The following SFXN5 variants were observed in gnomAD, a reference collection of about 807,000 sequenced individuals.
SFXN5 encodes sideroflexin-5.
In SFXN5, 43 loss-of-function variants were observed where a neutral mutation model predicts 50.2. That is an observed-to-expected ratio of 0.86 (90% CI 0.67 to 1.11). SFXN5 has a LOEUF of 1.11. Ranked by LOEUF, SFXN5 falls within the 50% of genes least tolerant of loss-of-function variation. The pLI, the probability that SFXN5 is intolerant of heterozygous loss-of-function variation, is 0.00. For missense variants in SFXN5, 463 were observed against 454.1 expected, an observed-to-expected ratio of 1.02 and a Z score of -0.18; for synonymous variants, 203 against 185.8, an observed-to-expected ratio of 1.09 and a Z score of -0.75.
At chr2:72,984,061 AC>A (rs1482681297) in intron 10 of SFXN5, among the ~76,000 whole-genome samples, 2 of 152,260 alleles carry the variant, frequency 1.3e-5, no homozygotes, top group African/African-American at 4.8e-5. Context: ...GTGACAGTCC[AC>A]AAATAAGAAA....
chr2:73,070,119 C>T (rs1365646741), intron 1 of SFXN5, among the ~76,000 whole-genome samples: 1 of 152,162 alleles, frequency 6.6e-6, no homozygotes, highest in East Asian at 1.9e-4. Context: ...GAGAGGCAGG[C>T]CCGACTGAGC....
At chr2:73,066,248 G>A (rs1683169094) in intron 1 of SFXN5, among the ~76,000 whole-genome samples, 1 of 152,054 alleles carries the variant, frequency 6.6e-6, no homozygotes, top group Admixed American at 6.6e-5. Context: ...AAGGAAGACA[G>A]AACTAACAGA....
Position 73,040,923 on chromosome 2 carries a change from G to A in SFXN5, c.180C>T (p.Leu60=), listed in dbSNP as rs189992545. ...PRTLFVTERR[L]REAVQLLEDY... The stretch of plus-strand genomic sequence containing the variant: ...CCTCCAGCAGCTGCACAGCCTCTCT[G>A]AGACGTCTCTGCAGAAGAAAGAAAA... The change falls in exon 3 of 14, where the codon CTC becomes CTT. Residue 60 remains leucine (L), a synonymous_variant. Coordinates refer to ENST00000272433, the MANE Select transcript of SFXN5 (RefSeq NM_144579.3). 2 of 1,612,720 alleles carry A rather than the reference G, an allele frequency of 1.2e-6. No individual in the cohort carries two copies. Among genetic ancestry groups the A allele is most frequent in the East Asian group, 2.2e-5 (1 of 44,882 alleles).
In SFXN5 at chr2:73,020,251, A is replaced by G. The variant is rs764001029; in HGVS notation, c.345T>C (p.Phe115=). ...AGGTAACACTTACAATTGGCGTCCC[A>G]AAAGGAATATAACCTGTGAACGAGA... The part of the protein sequence containing the change: ...MPFRMSGYIP[F]GTPIVVGLLL... Residue 115 remains phenylalanine (F), a synonymous_variant, in exon 6 of 14, where the codon TTT becomes TTC. Coordinates refer to ENST00000272433, the MANE Select transcript of SFXN5 (RefSeq NM_144579.3). The G allele has an allele frequency of 2.5e-6, 4 of 1,614,010 alleles. No homozygotes were observed. The East Asian group carries it at 8.9e-5, about 36-fold the overall frequency.
At chr2:73,002,527 A>G (rs986903127) in intron 6 of SFXN5, among the ~76,000 whole-genome samples, 2 of 152,228 alleles carry the variant, frequency 1.3e-5, no homozygotes, top group African/African-American at 4.8e-5. Flanking sequence ...TGACTTATTT[A>G]TTATTCCTGT....
chr2:73,032,890 T>C (rs1308339171), intron 3 of SFXN5, among the ~76,000 whole-genome samples: 1 of 152,248 alleles, frequency 6.6e-6, no homozygotes, highest in Non-Finnish European at 1.5e-5. Context: ...TTTGTTGCCA[T>C]GGTTACTCCC....
At position 72,944,144 on chromosome 2, in the gene SFXN5, C is replaced by T. The variant is rs1215540798; in HGVS notation, c.*878G>A. On this transcript the variant is annotated 3_prime_UTR_variant, in exon 14 of 14. Coordinates refer to ENST00000272433, the MANE Select transcript of SFXN5 (RefSeq NM_144579.3). ...CTAGCCCCACTCTCAGCCCCAGAACCCAGCATCCAGCCTGGGGCCTGGAAG... is the reference window on the plus strand; with the variant it reads ...CTAGCCCCACTCTCAGCCCCAGAACTCAGCATCCAGCCTGGGGCCTGGAAG... 1 of 152,314 alleles carries T rather than the reference C, an allele frequency of 6.6e-6. No individual in the cohort carries two copies. The highest frequency in any genetic ancestry group is 1.5e-5 in the Non-Finnish European group (1 of 68,128). 9.4% of individuals were successfully genotyped at this position (152,314 alleles called of 1,614,324 possible).
chr2:73,056,436 A>T (rs1000937001), intron 2 of SFXN5, among the ~76,000 whole-genome samples: 4 of 152,008 alleles, frequency 2.6e-5, no homozygotes, highest in African/African-American at 9.7e-5. Context: ...CTGTAACCCC[A>T]GCATTTTGGG....
rs760718385 is a variant in SFXN5, at chr2:72,957,598, C to T, written c.945+3533G>A. 2.6e-5 allele frequency among the ~76,000 whole-genome samples: 4 copies of T among 152,370 alleles called. 1 individual carries two copies. In the South Asian group the frequency reaches 8.3e-4, roughly 32 times the overall value. Reference sequence around the variant, plus strand: ...TGTTGACAACCTTGGTGGCTTTTGGCAAGGCTGGGTCAGCCCAAGCAAGTC... The same window carrying T: ...TGTTGACAACCTTGGTGGCTTTTGGTAAGGCTGGGTCAGCCCAAGCAAGTC... On this transcript the variant is annotated intron_variant, in intron 13 of 13. Transcript: ENST00000272433.
chr2:72,980,150 C>T (rs1671106566), intron 10 of SFXN5, among the ~76,000 whole-genome samples: 1 of 152,112 alleles, frequency 6.6e-6, no homozygotes, highest in East Asian at 1.9e-4. Flanking sequence ...CTCCTCCCTC[C>T]CTCTCTTCCT....
intron 9 of SFXN5, among the ~76,000 whole-genome samples, chr2:72,990,197 C>G (rs762197563): frequency 1.3e-5 from 2 of 152,264 alleles, no homozygotes; most frequent in African/African-American, 2.4e-5. Flanking sequence ...CATGCCCACC[C>G]TGGGCTCTCG....
chr2:72,959,190 G>C (rs942685219), intron 13 of SFXN5, among the ~76,000 whole-genome samples: 7 of 152,158 alleles, frequency 4.6e-5, no homozygotes, highest in Admixed American at 2.0e-4. Flanking sequence ...TCGCCTTCTT[G>C]TGAGCTCAAT....
At chr2:72,964,601 C>T (rs1674153389) in intron 12 of SFXN5, among the ~76,000 whole-genome samples, 1 of 152,228 alleles carries the variant, frequency 6.6e-6, no homozygotes, top group South Asian at 2.1e-4. Context: ...ACTGCCCTGC[C>T]TCCCTACCAC....
rs1672610914 is a variant in SFXN5, at chr2:72,991,587, C to G, written c.535-3239G>C. Among the ~76,000 whole-genome samples the G allele has an allele frequency of 2.0e-5, 3 of 152,252 alleles. No individual in the cohort carries two copies. The South Asian group carries it at 6.2e-4, about 31-fold the overall frequency. On this transcript the variant is annotated intron_variant, in intron 9 of 13. Coordinates refer to ENST00000272433, the MANE Select transcript of SFXN5 (RefSeq NM_144579.3). ...CCAGGCCCCAGCCCAGGTCTTACCG[C>G]CCCAGCACCTAGGACAGCCACGGCC...
chr2:73,051,276 T>TTTTTTTTG (rs1681285952), intron 2 of SFXN5, among the ~76,000 whole-genome samples: 1 of 150,460 alleles, frequency 6.6e-6, no homozygotes. Context: ...TTTTTTTTTT[T>TTTTTTTTG]GAGACGGAGT....
Position 72,971,699 on chromosome 2 carries a change from G to A in SFXN5, c.626-14C>T. The A allele has an allele frequency of 6.3e-7, 1 of 1,597,436 alleles. No homozygotes were observed. Among genetic ancestry groups the A allele is most frequent in the Non-Finnish European group, 8.6e-7 (1 of 1,165,080 alleles). On this transcript the variant is annotated splice_polypyrimidine_tract_variant and intron_variant, in intron 10 of 13. Transcript: ENST00000272433. ...TATTGGCACTGGCTGCAGAGAGAGG[G>A]GATGCAGAGAGCAGGATGAGGAGGA... is the stretch of plus-strand genomic sequence containing the variant.
intron 2 of SFXN5, among the ~76,000 whole-genome samples, chr2:73,052,061 T>C (rs1011061197): frequency 7.2e-5 from 11 of 152,198 alleles, no homozygotes; most frequent in African/African-American, 2.4e-4. Context: ...CTGTTTTTCT[T>C]AATGCTCAAA....
At chr2:73,053,848 C>T (rs901628824) in intron 2 of SFXN5, among the ~76,000 whole-genome samples, 5 of 152,116 alleles carry the variant, frequency 3.3e-5, no homozygotes, top group Admixed American at 3.3e-4. Context: ...AAATTTCCTC[C>T]AGCTAAGCAG....
At chr2:72,963,804 G>C (rs978920359) in intron 12 of SFXN5, among the ~76,000 whole-genome samples, 4 of 152,158 alleles carry the variant, frequency 2.6e-5, no homozygotes, top group African/African-American at 9.7e-5. Flanking sequence ...TCCAGCACAG[G>C]AACCTGTGAT....
Sources: gnomAD v4.1 joint callset for allele counts (sites outside exome capture counted in the v4.1 genomes callset) on GRCh38, gnomAD v4.1.1 for gene constraint, MANE v1.5 for transcripts, NCBI Gene and HGNC (gene_info 2026-07-23, HGNC 2026-07-21) for gene names.